Variants in LARP4 observed in about 807,000 individuals in gnomAD.
LARP4 encodes the protein La ribonucleoprotein 4.
A neutral mutation model predicts 92.9 loss-of-function variants in LARP4; 29 were observed. The ratio of observed to expected loss-of-function variants is 0.31; its 90% confidence interval spans 0.23 to 0.43. The LOEUF is 0.43. Ranked by LOEUF, LARP4 falls within the 20% of genes least tolerant of loss-of-function variation. LARP4 has a pLI of 1.00. For synonymous variants in LARP4, 279 were observed against 284.1 expected (o/e 0.98, Z 0.18); for missense variants, 732 against 860.0 (o/e 0.85, Z 1.86).
intron 10 of LARP4, among the ~76,000 whole-genome samples, chr12:50,458,932 C>T (rs1232680116): frequency 6.6e-6 from 1 of 152,178 alleles, no homozygotes; most frequent in Non-Finnish European, 1.5e-5. Flanking sequence ...TCCTAGTTTG[C>T]TGTCCTACAT....
At position 50,429,017 on chromosome 12, in the gene LARP4, A is replaced by C; in HGVS notation, c.249A>C (p.Thr83=). The C allele has an allele frequency of 6.2e-7, 1 of 1,610,662 alleles. No homozygotes were observed. Among genetic ancestry groups the C allele is most frequent in the Non-Finnish European group, 8.5e-7 (1 of 1,177,460 alleles). Residue 83 remains threonine (T), a synonymous_variant, in exon 3 of 16, where the codon ACA becomes ACC. Transcript: ENST00000398473. Reference sequence around the variant, plus strand: ...CTTGTGAAACCACAAGAAATACTACAGGCATTGAAGAATCAACTGATGGGA... The same window carrying C: ...CTTGTGAAACCACAAGAAATACTACCGGCATTGAAGAATCAACTGATGGGA... ...SSSCETTRNT[T]GIEESTDGMI... is the part of the protein sequence containing the mutation.
At chr12:50,461,086 T>A in intron 10 of LARP4, 49 bp from the exon 11 acceptor site, 1 of 1,504,520 alleles carries the variant, frequency 6.6e-7, no homozygotes, top group South Asian at 1.1e-5. Context: ...AAAGATGTTT[T>A]TCTGTCTCGA....
In LARP4 at chr12:50,475,893, C is replaced by G. The variant is rs1957498317; in HGVS notation, c.*29C>G. ...ACAACAAAACTATTCAAAAACTTCA[C>G]TCTCTTCCCATTAAACTTGAACTGT... On this transcript the variant is annotated 3_prime_UTR_variant, in exon 16 of 16. Coordinates refer to ENST00000398473, the MANE Select transcript of LARP4 (RefSeq NM_052879.5). The G allele has an allele frequency of 6.3e-7, 1 of 1,582,198 alleles. No individual in the cohort carries two copies. The highest frequency in any genetic ancestry group is 1.7e-5 in the Admixed American group (1 of 58,442).
chr12:50,456,910 G>A (rs1326026030), intron 10 of LARP4, among the ~76,000 whole-genome samples: 1 of 105,016 alleles, frequency 9.5e-6, no homozygotes, highest in Non-Finnish European at 2.5e-5. Context: ...AGATGTAACA[G>A]GTAATATAAA....
intron 8 of LARP4, among the ~76,000 whole-genome samples, chr12:50,452,568 C>G (rs766309993): frequency 2.0e-5 from 3 of 152,174 alleles, no homozygotes; most frequent in Non-Finnish European, 4.4e-5. Flanking sequence ...CAAAAGTTCC[C>G]TTTTCTCCAT....
chr12:50,467,104 G>A lies in LARP4; in HGVS notation c.1529G>A (p.Gly510Asp). Residue 510 changes from glycine to aspartate, a missense_variant, in exon 13 of 16, where the codon GGT becomes GAT. Physicochemically the swap from Gly to Asp is moderately conservative, Grantham distance 94. Transcript: ENST00000398473. ...LENRMSDVVKGVYKEKDNEEL... is the reference protein window; with the variant it reads ...LENRMSDVVKDVYKEKDNEEL... ...AATAGGATGTCTGATGTTGTTAAAG[G>A]TGTCTACAAAGAAAAGGTAAACACC... is the stretch of plus-strand genomic sequence containing the variant. 6.2e-7 allele frequency: 1 copy of A among 1,604,132 alleles called. No homozygotes were observed. The highest frequency in any genetic ancestry group is 8.5e-7 in the Non-Finnish European group (1 of 1,172,062).
chr12:50,414,252 T>C (rs1240097425), intron 1 of LARP4, among the ~76,000 whole-genome samples: 1 of 152,210 alleles, frequency 6.6e-6, no homozygotes, highest in Non-Finnish European at 1.5e-5. Context: ...TTTGTAATTC[T>C]CTTGTTTAAC....
intron 5 of LARP4, among the ~76,000 whole-genome samples, chr12:50,436,921 A>G (rs1950537689): frequency 6.6e-6 from 1 of 152,216 alleles, no homozygotes; most frequent in Non-Finnish European, 1.5e-5. Flanking sequence ...ATGGAACATT[A>G]CAGAGGATTA....
At chr12:50,419,464 A>C (rs1257124433) in intron 1 of LARP4, among the ~76,000 whole-genome samples, 1 of 152,172 alleles carries the variant, frequency 6.6e-6, no homozygotes, top group Non-Finnish European at 1.5e-5. Flanking sequence ...GATGATTCTA[A>C]CCACAGATCC....
At position 50,457,812 on chromosome 12, in the gene LARP4, CA is replaced by C. The variant is rs10639447; in HGVS notation, c.1122-3309del. Among the ~76,000 whole-genome samples, 1,274 of 145,038 alleles carry C rather than the reference CA, an allele frequency of 8.8e-3. 17 individuals carry two copies. The highest frequency in any genetic ancestry group is 0.031 in the African/African-American group (1,227 of 39,852). ...CTGGGTGACACAGCCAGACCTTTCTCAAAAAAAAAAAAAATTACTTTTTGTT... is the reference window on the plus strand; with the variant it reads ...CTGGGTGACACAGCCAGACCTTTCTCAAAAAAAAAAAAATTACTTTTTGTT... On this transcript the variant is annotated intron_variant, in intron 10 of 15. Transcript: ENST00000398473.
rs537551087 is a variant in LARP4, at chr12:50,439,436, C to T, written c.640-1003C>T. On this transcript the variant is annotated intron_variant, in intron 6 of 15. Transcript: ENST00000398473. ...AATGGTTTTCTGAGACAGGTCTTGCCGTGTCACTGAGGGTGTAGTACAGTG... is the reference window on the plus strand; with the variant it reads ...AATGGTTTTCTGAGACAGGTCTTGCTGTGTCACTGAGGGTGTAGTACAGTG... Among the ~76,000 whole-genome samples the T allele has an allele frequency of 1.5e-4, 23 of 151,924 alleles. No homozygotes were observed. The South Asian group carries it at 4.0e-3, about 26-fold the overall frequency.
intron 11 of LARP4, among the ~76,000 whole-genome samples, chr12:50,461,916 C>T (rs959327576): frequency 6.6e-6 from 1 of 152,068 alleles, no homozygotes; most frequent in Admixed American, 6.5e-5. Context: ...CAAGGTTGCA[C>T]CACTGCATTC....
chr12:50,441,960 G>C (rs1324779343), intron 8 of LARP4, among the ~76,000 whole-genome samples: 1 of 152,212 alleles, frequency 6.6e-6, no homozygotes, highest in Non-Finnish European at 1.5e-5. Flanking sequence ...TGAGGCAGGA[G>C]AACTGCTTTA....
rs1322250090 is a variant in LARP4 at position 50,442,432 on chromosome 12, T to C, written c.804+789T>C. Among the ~76,000 whole-genome samples, 4 of 152,206 alleles carry C rather than the reference T, an allele frequency of 2.6e-5. 1 individual carries two copies. Among genetic ancestry groups the C allele is most frequent in the Non-Finnish European group, 5.9e-5 (4 of 68,038 alleles). On this transcript the variant is annotated intron_variant, in intron 8 of 15. Transcript: ENST00000398473. ...TGCTTTCCAAAAATCTCCCATTGTTTAGGCTTGAACACTTGGAGTAGCCTC... is the reference window on the plus strand; with the variant it reads ...TGCTTTCCAAAAATCTCCCATTGTTCAGGCTTGAACACTTGGAGTAGCCTC...
chr12:50,469,466 T>C (rs1288309562), intron 13 of LARP4, among the ~76,000 whole-genome samples: 1 of 151,454 alleles, frequency 6.6e-6, no homozygotes, highest in Admixed American at 6.6e-5. Flanking sequence ...TAGCCAGGCA[T>C]GGTGGCGGGT....
At chr12:50,453,209 C>G (rs142522988) in intron 8 of LARP4, among the ~76,000 whole-genome samples, 46 of 151,790 alleles carry the variant, frequency 3.0e-4, no homozygotes, top group Middle Eastern at 6.8e-3. Flanking sequence ...GCCAGCACAC[C>G]TGGTTATTTT....
intron 1 of LARP4, among the ~76,000 whole-genome samples, chr12:50,418,524 A>G (rs1947225717): frequency 6.6e-6 from 1 of 152,108 alleles, no homozygotes; most frequent in Non-Finnish European, 1.5e-5. Flanking sequence ...GACTTAAGTG[A>G]TCCTCTTGCC....
chr12:50,454,092 T>G (rs1448634574), intron 9 of LARP4, among the ~76,000 whole-genome samples: 2 of 152,224 alleles, frequency 1.3e-5, no homozygotes, highest in Non-Finnish European at 1.5e-5. Context: ...AAATGCATTT[T>G]AGTGTTGCGA....
chr12:50,454,519 T>A, intron 10 of LARP4, 102 bp downstream of exon 10: 1 of 865,834 alleles, frequency 1.2e-6, no homozygotes, highest in Non-Finnish European at 1.8e-6. Context: ...TAAGGTTTGG[T>A]GGATTTTTTG....
Sources: allele counts gnomAD v4.1 joint callset (sites outside exome capture counted in the v4.1 genomes callset), GRCh38; gene constraint gnomAD v4.1.1; transcripts MANE v1.5; gene names NCBI Gene and HGNC (gene_info 2026-07-23, HGNC 2026-07-21).